The following CSMD3 variants were observed in gnomAD, a reference collection of about 807,000 sequenced individuals.
CSMD3 encodes CUB and Sushi multiple domains 3.
Under a neutral mutation model 435.2 loss-of-function variants are expected in CSMD3, and 177 were observed. The observed-to-expected ratio is 0.41, with a 90% confidence interval of 0.36 to 0.46. The LOEUF (loss-of-function observed/expected upper bound fraction) is 0.46. Ranked by LOEUF, CSMD3 falls within the 20% of genes least tolerant of loss-of-function variation. The pLI is 0.34. For synonymous variants in CSMD3, 1,656 were observed against 1,520.5 expected, an observed-to-expected ratio of 1.09 and a Z score of -2.07; for missense variants, 4,265 against 4,504.6, an observed-to-expected ratio of 0.95 and a Z score of 1.52.
chr8:113,348,632 G>A (rs546254149), intron 1 of CSMD3, among the ~76,000 whole-genome samples: 8 of 152,204 alleles, frequency 5.3e-5, no homozygotes, highest in South Asian at 4.1e-4. Flanking sequence ...GGGCTACATC[G>A]AGATTGTGTT....
intron 11 of CSMD3, among the ~76,000 whole-genome samples, chr8:112,850,391 G>A (rs988573415): frequency 3.3e-5 from 5 of 152,082 alleles, no homozygotes; most frequent in African/African-American, 1.2e-4. Flanking sequence ...ATTCCACACA[G>A]CCAAATGCTT....
At chr8:113,351,651 G>A (rs1161952838) in intron 1 of CSMD3, among the ~76,000 whole-genome samples, 1 of 152,056 alleles carries the variant, frequency 6.6e-6, no homozygotes, top group Non-Finnish European at 1.5e-5. Context: ...AGATGCAGCT[G>A]CTGAGTGTTT....
At chr8:112,654,369 C>T (rs537158830) in intron 18 of CSMD3, among the ~76,000 whole-genome samples, 2 of 152,164 alleles carry the variant, frequency 1.3e-5, no homozygotes, top group Admixed American at 6.5e-5. Context: ...AGTAAATATA[C>T]CACAAGACTA....
intron 5 of CSMD3, among the ~76,000 whole-genome samples, chr8:113,054,719 A>C (rs145395876): frequency 1.3e-5 from 2 of 152,250 alleles, no homozygotes; most frequent in African/African-American, 4.8e-5. Flanking sequence ...GCTTCCCTTT[A>C]AAGTGATACT....
intron 62 of CSMD3, among the ~76,000 whole-genome samples, chr8:112,254,997 C>T (rs957203331): frequency 3.3e-5 from 5 of 151,990 alleles, no homozygotes; most frequent in African/African-American, 1.2e-4. Context: ...AATGTCACTA[C>T]CTGAAAGTAT....
chr8:113,059,775 G>C (rs2088522936), intron 5 of CSMD3, among the ~76,000 whole-genome samples: 1 of 152,086 alleles, frequency 6.6e-6, no homozygotes, highest in Non-Finnish European at 1.5e-5. Flanking sequence ...CAGAGATTTA[G>C]AGAAGGTTCT....
chr8:112,440,572 C>T (rs2130496014), intron 32 of CSMD3, among the ~76,000 whole-genome samples: 1 of 152,316 alleles, frequency 6.6e-6, no homozygotes, highest in African/African-American at 2.4e-5. Context: ...TTCCATACTG[C>T]CCTAACAGAG....
chr8:113,098,434 T>G (rs2090229401), intron 5 of CSMD3: 1 of 332,650 alleles, frequency 3.0e-6, no homozygotes, highest in African/African-American at 2.1e-5. Context: ...CAAGTCTGCT[T>G]AAACAAAGGA....
intron 31 of CSMD3, among the ~76,000 whole-genome samples, chr8:112,482,480 A>G (rs1819720864): frequency 1.3e-5 from 2 of 152,248 alleles, no homozygotes; most frequent in Admixed American, 1.3e-4. Context: ...TTCTAATTTT[A>G]GAACATTTCC....
intron 29 of CSMD3, among the ~76,000 whole-genome samples, chr8:112,505,144 G>C (rs1822367704): frequency 6.6e-6 from 1 of 152,130 alleles, no homozygotes; most frequent in African/African-American, 2.4e-5. Context: ...GAAAGAATGG[G>C]ATAGTGCAGA....
chr8:112,895,215 T>TAA (rs770850228), intron 10 of CSMD3, among the ~76,000 whole-genome samples: 9 of 151,424 alleles, frequency 5.9e-5, no homozygotes, highest in Non-Finnish European at 1.3e-4. Context: ...AAATGGTATA[T>TAA]AAGCTATATA....
chr8:112,876,717 T>C (rs905800774), intron 10 of CSMD3, among the ~76,000 whole-genome samples: 13 of 152,138 alleles, frequency 8.5e-5, no homozygotes, highest in Non-Finnish European at 1.5e-4. Context: ...ATGCCCTCTC[T>C]CACTACTCGT....
intron 13 of CSMD3, among the ~76,000 whole-genome samples, chr8:112,757,578 T>C (rs2077729645): frequency 6.6e-6 from 1 of 152,058 alleles, no homozygotes; most frequent in African/African-American, 2.4e-5. Context: ...GTCTCTTAAT[T>C]TGGGGGAAAA....
At chr8:112,822,258 G>A (rs1237776755) in intron 12 of CSMD3, among the ~76,000 whole-genome samples, 1 of 152,074 alleles carries the variant, frequency 6.6e-6, no homozygotes, top group Non-Finnish European at 1.5e-5. Context: ...CCATTTTCAC[G>A]ATATTGATTC....
chr8:112,726,134 A>T (rs1331880617), intron 13 of CSMD3, among the ~76,000 whole-genome samples: 1 of 152,024 alleles, frequency 6.6e-6, no homozygotes, highest in Non-Finnish European at 1.5e-5. Flanking sequence ...ACTCAATATT[A>T]GGAGAACAGT....
chr8:112,554,226 G>C (rs925202617), intron 25 of CSMD3, among the ~76,000 whole-genome samples: 2 of 151,896 alleles, frequency 1.3e-5, no homozygotes, highest in Non-Finnish European at 2.9e-5. Context: ...CAGAGACAGA[G>C]AGAAAGAGAG....
intron 12 of CSMD3, among the ~76,000 whole-genome samples, chr8:112,815,142 C>T (rs1417209235): frequency 6.6e-6 from 1 of 151,098 alleles, no homozygotes; most frequent in Admixed American, 6.6e-5. Context: ...AGTGACAGTT[C>T]AGAATGTGGG....
At chr8:112,629,251 G>C (rs1401152949) in intron 22 of CSMD3, among the ~76,000 whole-genome samples, 1 of 151,892 alleles carries the variant, frequency 6.6e-6, no homozygotes. Flanking sequence ...GCCCAGGCTG[G>C]AGTGTGGTGG....
intron 10 of CSMD3, among the ~76,000 whole-genome samples, chr8:112,863,585 T>C (rs1376103729): frequency 1.3e-5 from 2 of 152,082 alleles, no homozygotes; most frequent in East Asian, 3.8e-4. Context: ...TCCATTCTTA[T>C]TCAATTTCAT....
Sources: gnomAD v4.1 joint callset for allele counts (sites outside exome capture counted in the v4.1 genomes callset) on GRCh38, gnomAD v4.1.1 for gene constraint, MANE v1.5 for transcripts, NCBI Gene and HGNC (gene_info 2026-07-23, HGNC 2026-07-21) for gene names.